Variants in GPC5 observed in about 807,000 individuals in gnomAD.
GPC5 encodes glypican 5, also known as glypican-5.
A neutral mutation model predicts 53.9 loss-of-function variants in GPC5; 47 were observed. The ratio of observed to expected loss-of-function variants is 0.87; its 90% CI spans 0.69 to 1.11. The LOEUF (loss-of-function observed/expected upper bound fraction) is 1.11. Ranked by LOEUF, GPC5 falls within the 50% of genes most tolerant of loss-of-function variation. The pLI, the probability that GPC5 is intolerant of heterozygous loss-of-function variation, is 0.00. For synonymous variants in GPC5, 286 were observed against 263.3 expected, an observed-to-expected ratio of 1.09 and a Z score of -0.84; for missense variants, 748 against 713.1, an observed-to-expected ratio of 1.05 and a Z score of -0.56.
At chr13:91,675,031 G>A (rs2035350148) in intron 2 of GPC5, among the ~76,000 whole-genome samples, 1 of 151,104 alleles carries the variant, frequency 6.6e-6, no homozygotes, top group Non-Finnish European at 1.5e-5. Context: ...GATCATTAAC[G>A]TGTTCTTCCT....
intron 2 of GPC5, among the ~76,000 whole-genome samples, chr13:91,579,277 G>A (rs1049543978): frequency 1.3e-5 from 2 of 152,144 alleles, no homozygotes; most frequent in Non-Finnish European, 2.9e-5. Flanking sequence ...CCTTTCAGCT[G>A]AACATTTGCT....
At chr13:91,683,621 C>T (rs532624808) in intron 2 of GPC5, among the ~76,000 whole-genome samples, 3 of 152,182 alleles carry the variant, frequency 2.0e-5, no homozygotes, top group Non-Finnish European at 4.4e-5. Context: ...TTACCTGACT[C>T]TTTCTCTTGA....
chr13:91,868,070 A>G (rs898297710), intron 5 of GPC5, among the ~76,000 whole-genome samples: 8 of 152,240 alleles, frequency 5.3e-5, no homozygotes, highest in African/African-American at 1.9e-4. Context: ...AAATCATATT[A>G]TTCAAGAAAT....
At chr13:91,525,073 A>G (rs916134860) in intron 2 of GPC5, among the ~76,000 whole-genome samples, 2 of 152,200 alleles carry the variant, frequency 1.3e-5, no homozygotes, top group African/African-American at 4.8e-5. Flanking sequence ...TATAGACACA[A>G]TGTCCTCTTT....
intron 1 of GPC5, among the ~76,000 whole-genome samples, chr13:91,403,747 A>AT (rs1011807553): frequency 5.4e-4 from 82 of 152,150 alleles, no homozygotes; most frequent in African/African-American, 1.7e-3. Context: ...CACGTGTTTC[A>AT]TTTTTCTCTA....
intron 3 of GPC5, among the ~76,000 whole-genome samples, chr13:91,718,695 C>G (rs752983208): frequency 2.6e-5 from 4 of 152,160 alleles, no homozygotes; most frequent in African/African-American, 7.2e-5. Flanking sequence ...GAATTCTACC[C>G]CCATCTGCAT....
chr13:92,366,040 G>A (rs562723105), intron 7 of GPC5, among the ~76,000 whole-genome samples: 1 of 151,704 alleles, frequency 6.6e-6, no homozygotes, highest in African/African-American at 2.4e-5. Context: ...TATACAAGTG[G>A]CAGAGCAGTA....
intron 7 of GPC5, among the ~76,000 whole-genome samples, chr13:92,691,798 A>G (rs1176773333): frequency 6.6e-6 from 1 of 151,832 alleles, no homozygotes; most frequent in Admixed American, 6.6e-5. Flanking sequence ...CTTAAACTAC[A>G]AGATACTTTA....
intron 5 of GPC5, among the ~76,000 whole-genome samples, chr13:91,906,474 A>G (rs1276083356): frequency 1.3e-5 from 2 of 152,186 alleles, no homozygotes; most frequent in East Asian, 3.9e-4. Context: ...AGTTGTGTTT[A>G]TATTACACTA....
At chr13:91,749,686 G>GATT (rs2037127942) in intron 4 of GPC5, among the ~76,000 whole-genome samples, 1 of 152,164 alleles carries the variant, frequency 6.6e-6, no homozygotes. Context: ...CATAGAAGTT[G>GATT]ATTTATATTT....
At chr13:91,502,719 A>C (rs187341978) in intron 2 of GPC5, among the ~76,000 whole-genome samples, 1 of 152,360 alleles carries the variant, frequency 6.6e-6, no homozygotes, top group Non-Finnish European at 1.5e-5. Flanking sequence ...GCTAAAATGC[A>C]TGGAGCCTTT....
intron 7 of GPC5, among the ~76,000 whole-genome samples, chr13:92,668,543 A>T (rs1194034338): frequency 1.3e-5 from 2 of 152,232 alleles, no homozygotes; most frequent in Non-Finnish European, 2.9e-5. Flanking sequence ...ATTGCCTGTG[A>T]CTTATATTCC....
At chr13:92,211,992 G>A (rs1325062990) in intron 7 of GPC5, among the ~76,000 whole-genome samples, 1 of 151,368 alleles carries the variant, frequency 6.6e-6, no homozygotes, top group Non-Finnish European at 1.5e-5. Flanking sequence ...TCCCCAATGT[G>A]TTGGTATTTG....
At chr13:92,251,448 T>C (rs970782249) in intron 7 of GPC5, among the ~76,000 whole-genome samples, 4 of 152,040 alleles carry the variant, frequency 2.6e-5, no homozygotes, top group Admixed American at 1.3e-4. Context: ...GATGCTGGGG[T>C]TTGTGGGAGC....
intron 6 of GPC5, among the ~76,000 whole-genome samples, chr13:91,963,046 G>A (rs1224875561): frequency 3.9e-5 from 6 of 152,146 alleles, no homozygotes; most frequent in Admixed American, 3.9e-4. Flanking sequence ...GCCCACTTGA[G>A]TTTGAATCCT....
intron 7 of GPC5, among the ~76,000 whole-genome samples, chr13:92,335,150 A>G (rs2043313570): frequency 6.6e-6 from 1 of 152,026 alleles, no homozygotes; most frequent in Admixed American, 6.6e-5. Flanking sequence ...CCCCTGCAAC[A>G]CACCTCGGCC....
At chr13:91,505,025 G>T (rs73602390) in intron 2 of GPC5, among the ~76,000 whole-genome samples, 1,900 of 152,160 alleles carry the variant, frequency 0.012, 39 homozygotes, top group African/African-American at 0.04. Flanking sequence ...TATATCACAT[G>T]GTTTCATAGG....
intron 6 of GPC5, among the ~76,000 whole-genome samples, chr13:92,102,646 C>T (rs2041476508): frequency 6.6e-6 from 1 of 152,064 alleles, no homozygotes. Flanking sequence ...TAAGGATGGG[C>T]TTTCATAGCA....
Position 92,249,726 on chromosome 13 carries a change from GCGGAC to G in GPC5, c.1561+104739_1561+104743del, listed in dbSNP as rs372987428. Among the ~76,000 whole-genome samples the G allele has an allele frequency of 6.8e-3, 1,040 of 152,088 alleles. 16 individuals are homozygous for G. Among genetic ancestry groups the G allele is most frequent in the African/African-American group, 0.024 (981 of 41,474 alleles). The stretch of plus-strand genomic sequence containing the variant: ...CATGAGGGTGAGTAGAGAATGCAGA[GCGGAC>G]CAGGCAATTCAGGAATCTATGTTGG... On this transcript the variant is annotated intron_variant, in intron 7 of 7. Coordinates refer to ENST00000377067, the MANE Select transcript of GPC5 (RefSeq NM_004466.6).
Sources: allele counts gnomAD v4.1 joint callset (sites outside exome capture counted in the v4.1 genomes callset), GRCh38; gene constraint gnomAD v4.1.1; transcripts MANE v1.5; gene names NCBI Gene and HGNC (gene_info 2026-07-23, HGNC 2026-07-21).